PDE6B: variants seen among roughly 807,000 people sequenced by gnomAD.
PDE6B encodes the protein phosphodiesterase 6B, also known as rod cGMP-specific 3',5'-cyclic phosphodiesterase subunit beta.
Under a neutral mutation model 109.0 loss-of-function variants are expected in PDE6B, and 106 were observed. The observed-to-expected ratio is 0.97, with a 90% CI of 0.83 to 1.14. PDE6B has a LOEUF of 1.14. Ranked by LOEUF, PDE6B falls within the 50% of genes most tolerant of loss-of-function variation. The probability of loss-of-function intolerance (pLI) is 0.00; values close to 1 mark genes in which losing one functional copy is unlikely to be tolerated. For missense variants in PDE6B, 1,193 were observed against 1,155.6 expected (o/e 1.03, Z -0.47); for synonymous variants, 490 against 471.3 (o/e 1.04, Z -0.51).
At chr4:657,580 T>TCA (rs1736449895) in intron 10 of PDE6B, 86 bp downstream of exon 10, 1 of 1,011,098 alleles carries the variant, frequency 9.9e-7, no homozygotes, top group African/African-American at 2.5e-5. Flanking sequence ...CCCAGGGGTC[T>TCA]CGGCTGTGTG....
At position 670,082 on chromosome 4, in the gene PDE6B, A is replaced by G. The variant is rs975549043; in HGVS notation, c.2540A>G (p.Lys847Arg). 2 of 1,613,042 alleles carry G rather than the reference A, an allele frequency of 1.2e-6. No individual in the cohort carries two copies. The highest frequency in any genetic ancestry group is 1.7e-6 in the Non-Finnish European group (2 of 1,179,616). Residue 847 changes from lysine to arginine, a missense_variant, in exon 22 of 22, where the codon AAG (lysine) becomes AGG (arginine). Coordinates refer to ENST00000496514, the MANE Select transcript of PDE6B (RefSeq NM_000283.4). ...TEICNGGPAP[K>R]SSTCCIL ...ATTTGCAATGGCGGCCCAGCACCCA[A>G]GTCTTCAACCTGCTGTATCCTGTGA...
chr4:663,964 G>A lies in PDE6B; in HGVS notation c.2021+94G>A. The stretch of plus-strand genomic sequence containing the variant: ...GGGCGCAGCGGCGGCACAGCCCGGG[G>A]GACGCAGCCCCGGATTCCGTCCCTG... On this transcript the variant is annotated intron_variant, in intron 16 of 21. Coordinates refer to ENST00000496514, the MANE Select transcript of PDE6B (RefSeq NM_000283.4). This position sits in a 1 kb window ranked among gnomAD's most constrained non-coding sequence, Gnocchi z 4.0. 9.0e-7 allele frequency: 1 copy of A among 1,116,042 alleles called. No homozygotes were observed. The highest frequency in any genetic ancestry group is 2.6e-5 in the East Asian group (1 of 38,982). The allele number at this position is 1,116,042 out of a possible 1,614,324, so 69.1% of individuals were successfully genotyped here.
chr4:637,236 T>G (rs892843330), intron 3 of PDE6B, among the ~76,000 whole-genome samples: 3 of 152,098 alleles, frequency 2.0e-5, no homozygotes, highest in Non-Finnish European at 4.4e-5. Context: ...TTTTTGTTTT[T>G]TTTTTTATGT....
At position 670,033 on chromosome 4, in the gene PDE6B, T is replaced by C. The variant is rs574495662; in HGVS notation, c.2504-13T>C. 6.2e-7 allele frequency: 1 copy of C among 1,611,058 alleles called. No individual in the cohort carries two copies. The highest frequency in any genetic ancestry group is 1.3e-5 in the African/African-American group (1 of 74,932). On this transcript the variant is annotated splice_polypyrimidine_tract_variant and intron_variant, in intron 21 of 21. Transcript: ENST00000496514. ...AGGTGGTTCCACTCACCATCTTCTG[T>C]CTTCTCTTGCAGTAGGCACAGAAAT... is the stretch of plus-strand genomic sequence containing the variant.
At chr4:664,262 C>A in intron 17 of PDE6B, 41 bp downstream of exon 17, 1 of 1,109,842 alleles carries the variant, frequency 9.0e-7, no homozygotes, top group Non-Finnish European at 1.4e-6. Flanking sequence ...CCTTCCCTCG[C>A]AGGGACCGGG....
At chr4:650,869 C>T (rs913226067) in intron 3 of PDE6B, among the ~76,000 whole-genome samples, 2 of 152,326 alleles carry the variant, frequency 1.3e-5, no homozygotes, top group East Asian at 1.9e-4. Flanking sequence ...ACGCTGAAGA[C>T]GCCTGCACTT....
intron 3 of PDE6B, among the ~76,000 whole-genome samples, chr4:647,758 A>G (rs1735278620): frequency 6.6e-6 from 1 of 152,020 alleles, no homozygotes; most frequent in South Asian, 2.1e-4. Context: ...GGAACCACCC[A>G]GCAACAGACC....
rs901567288 is a variant in PDE6B at position 636,903 on chromosome 4, G to T, written c.711+934G>T. On this transcript the variant is annotated intron_variant, in intron 3 of 21. Transcript: ENST00000496514. This position sits in a 1 kb window ranked among gnomAD's most constrained non-coding sequence, Gnocchi z 4.5. ...GTGGACACCTGTGAGAAAACCCCCC[G>T]GAGGGAAGTCTCAGCCCCAATCCAA... Among the ~76,000 whole-genome samples, 1 of 152,222 alleles carries T rather than the reference G, an allele frequency of 6.6e-6. No individual in the cohort carries two copies. Among genetic ancestry groups the T allele is most frequent in the Non-Finnish European group, 1.5e-5 (1 of 68,032 alleles).
chr4:662,375 G>A lies in PDE6B; in HGVS notation c.1722+134G>A, dbSNP rs1737208116. On this transcript the variant is annotated intron_variant, in intron 13 of 21. Transcript: ENST00000496514. This position sits in a 1 kb window ranked among gnomAD's most constrained non-coding sequence, Gnocchi z 4.3. ...GAGGAGGGCAACGCCCTCTGACACC[G>A]TGCACCGCGCACCCCAGCCCTGCGG... 6 of 815,792 alleles carry A rather than the reference G, an allele frequency of 7.4e-6. No homozygotes were observed. The highest frequency in any genetic ancestry group is 2.7e-5 in the East Asian group (1 of 37,704). The allele number at this position is 815,792 out of a possible 1,614,324, so 50.5% of individuals were successfully genotyped here.
rs1054260124 is a variant in PDE6B, at chr4:665,153, T to C, written c.2194-102T>C. 5.3e-6 allele frequency: 5 copies of C among 938,778 alleles called. No individual in the cohort carries two copies. The highest frequency in any genetic ancestry group is 8.6e-6 in the Non-Finnish European group (5 of 579,040). The allele number at this position is 938,778 out of a possible 1,614,324, so 58.2% of individuals were successfully genotyped here. ...CCCTGTGTGGTGGGGACCCCGGGGG[T>C]CTGGGGCGGAGAAGACCGAGGCTCG... On this transcript the variant is annotated intron_variant, in intron 18 of 21. Coordinates refer to ENST00000496514, the MANE Select transcript of PDE6B (RefSeq NM_000283.4). The surrounding 1 kb of genome is among the most constrained non-coding windows in gnomAD (Gnocchi z 4.0).
intron 3 of PDE6B, among the ~76,000 whole-genome samples, chr4:644,882 G>GTGCT (rs1735124550): frequency 6.6e-6 from 1 of 152,046 alleles, no homozygotes; most frequent in Admixed American, 6.5e-5. Context: ...CCTGCTGGAT[G>GTGCT]TGCTCATTCT....
intron 5 of PDE6B, 132 bp from the exon 6 acceptor site, chr4:654,692 C>T: frequency 1.3e-6 from 1 of 778,276 alleles, no homozygotes; most frequent in African/African-American, 1.7e-5. Context: ...CACGTGTGTA[C>T]ACATGCACGG....
rs2109115304 is a variant in PDE6B, at chr4:626,655, G to A, written c.468+561G>A. Reference sequence around the variant, plus strand: ...CAGCCGCCAGGGGAGAACAAACCTGGTAGCCACTGAGCACAGGGGTCCAGG... The same window carrying A: ...CAGCCGCCAGGGGAGAACAAACCTGATAGCCACTGAGCACAGGGGTCCAGG... On this transcript the variant is annotated intron_variant, in intron 1 of 21. Coordinates refer to ENST00000496514, the MANE Select transcript of PDE6B (RefSeq NM_000283.4). The surrounding 1 kb of genome is among the most constrained non-coding windows in gnomAD (Gnocchi z 4.6). 6.6e-6 allele frequency among the ~76,000 whole-genome samples: 1 copy of A among 152,352 alleles called. No individual in the cohort carries two copies. The highest frequency in any genetic ancestry group is 1.5e-5 in the Non-Finnish European group (1 of 68,034).
At chr4:649,930 A>G (rs1735412522) in intron 3 of PDE6B, among the ~76,000 whole-genome samples, 1 of 152,140 alleles carries the variant, frequency 6.6e-6, no homozygotes, top group Non-Finnish European at 1.5e-5. Flanking sequence ...ATGTCAGTGG[A>G]TCCCTCATTT....
rs576538313 is a variant in PDE6B, at chr4:648,864, G to A, written c.712-4988G>A. Among the ~76,000 whole-genome samples, 13 of 152,242 alleles carry A rather than the reference G, an allele frequency of 8.5e-5. No individual in the cohort carries two copies. The highest frequency in any genetic ancestry group is 1.3e-4 in the Non-Finnish European group (9 of 68,052). On this transcript the variant is annotated intron_variant, in intron 3 of 21. Transcript: ENST00000496514. This position sits in a 1 kb window ranked among gnomAD's most constrained non-coding sequence, Gnocchi z 4.5. ...GGACCCGGTGGCTCGCTGCAAGGGCGGAGGAGGTGCCCCGACTCAGGTCAG... is the reference window on the plus strand; with the variant it reads ...GGACCCGGTGGCTCGCTGCAAGGGCAGAGGAGGTGCCCCGACTCAGGTCAG...
chr4:656,408 G>GC, intron 8 of PDE6B, 116 bp downstream of exon 8: 1 of 780,942 alleles, frequency 1.3e-6, no homozygotes, highest in East Asian at 2.5e-5. Flanking sequence ...AGCCAGGCAT[G>GC]GTGGCTCACG....
chr4:658,877 C>A, intron 10 of PDE6B, 75 bp from the exon 11 acceptor site: 2 of 1,064,180 alleles, frequency 1.9e-6, no homozygotes, highest in Non-Finnish European at 2.9e-6. Context: ...CTAGCTCACA[C>A]GGGGTGGACG....
Position 663,248 on chromosome 4 carries a change from G to T in PDE6B, c.1920+61G>T. The T allele has an allele frequency of 1.1e-6, 1 of 948,824 alleles. No individual in the cohort carries two copies. Among genetic ancestry groups the T allele is most frequent in the Non-Finnish European group, 1.7e-6 (1 of 572,938 alleles). The allele number at this position is 948,824 out of a possible 1,614,324, so 58.8% of individuals were successfully genotyped here. On this transcript the variant is annotated intron_variant, in intron 15 of 21. Transcript: ENST00000496514. This position sits in a 1 kb window ranked among gnomAD's most constrained non-coding sequence, Gnocchi z 4.0. ...CTGGGGACGCAGCGTCCGCAGGACGGCAGGGCCGTATCCTGCGGAGCAGGG... is the reference window on the plus strand; with the variant it reads ...CTGGGGACGCAGCGTCCGCAGGACGTCAGGGCCGTATCCTGCGGAGCAGGG...
rs1577301137 is a variant in PDE6B, at chr4:663,761, C to G, written c.1921-9C>G. ...AGGGCGCCTGACGCGCTGGGCATAA[C>G]CTCCGCAGACCCTGAACATCTACCA... On this transcript the variant is annotated splice_polypyrimidine_tract_variant and intron_variant, in intron 15 of 21. Coordinates refer to ENST00000496514, the MANE Select transcript of PDE6B (RefSeq NM_000283.4). This position sits in a 1 kb window ranked among gnomAD's most constrained non-coding sequence, Gnocchi z 4.0. 1 of 1,607,734 alleles carries G rather than the reference C, an allele frequency of 6.2e-7. No individual in the cohort carries two copies. The highest frequency in any genetic ancestry group is 8.5e-7 in the Non-Finnish European group (1 of 1,175,448).
Sources: gnomAD v4.1 joint callset for allele counts (sites outside exome capture counted in the v4.1 genomes callset) on GRCh38, gnomAD v4.1.1 for gene constraint, Gnocchi (gnomAD v3.1) non-coding constraint, MANE v1.5 for transcripts, NCBI Gene and HGNC (gene_info 2026-07-23, HGNC 2026-07-21) for gene names.